PDE10A: variants seen among roughly 807,000 people sequenced by gnomAD.
The protein encoded by PDE10A is phosphodiesterase 10A, also known as cAMP and cAMP-inhibited cGMP 3',5'-cyclic phosphodiesterase 10A.
In PDE10A, 39 loss-of-function variants were observed where a neutral mutation model predicts 97.7. The ratio of observed to expected loss-of-function variants is 0.40; its 90% confidence interval spans 0.31 to 0.52. The LOEUF is 0.52. Among genes scored for constraint, PDE10A ranks in the 20% least tolerant of loss-of-function variants. The probability of loss-of-function intolerance (pLI) is 0.56; values close to 1 mark genes in which losing one functional copy is unlikely to be tolerated. For missense variants in PDE10A, 731 were observed against 1,047.8 expected, an observed-to-expected ratio of 0.70 and a Z score of 4.17; for synonymous variants, 371 against 376.8, an observed-to-expected ratio of 0.98 and a Z score of 0.18.
At chr6:165,389,070 G>A (rs1785497273) in intron 16 of PDE10A, among the ~76,000 whole-genome samples, 2 of 152,146 alleles carry the variant, frequency 1.3e-5, no homozygotes, top group Non-Finnish European at 2.9e-5. Context: ...AGAAGAGCAC[G>A]CCGGGCAGGG....
chr6:165,729,356 ATT>A (rs1324770689), intron 1 of PDE10A, among the ~76,000 whole-genome samples: 2 of 152,218 alleles, frequency 1.3e-5, no homozygotes. Context: ...CAGATTAAAC[ATT>A]TTTTGAATAA....
intron 1 of PDE10A, among the ~76,000 whole-genome samples, chr6:165,878,198 C>T (rs1031784709): frequency 2.0e-5 from 3 of 152,170 alleles, no homozygotes; most frequent in Non-Finnish European, 1.5e-5. Context: ...GAAACCAAAC[C>T]ATAGATGCCT....
intron 10 of PDE10A, 143 bp downstream of exon 10, chr6:165,428,513 AAC>A: frequency 1.7e-6 from 1 of 575,244 alleles, no homozygotes; most frequent in Non-Finnish European, 3.1e-6. Context: ...GCAAGTGACA[AAC>A]AGATCAAGGT....
chr6:165,847,840 G>T (rs1468865902), intron 1 of PDE10A, among the ~76,000 whole-genome samples: 1 of 152,216 alleles, frequency 6.6e-6, no homozygotes, highest in Non-Finnish European at 1.5e-5. Flanking sequence ...TTGCTTTTGA[G>T]CGTAAACAAA....
chr6:165,744,286 A>G (rs769479931), intron 1 of PDE10A, among the ~76,000 whole-genome samples: 2 of 152,202 alleles, frequency 1.3e-5, no homozygotes, highest in African/African-American at 2.4e-5. Context: ...TTTCAACTCT[A>G]TAATAAATAA....
intron 1 of PDE10A, among the ~76,000 whole-genome samples, chr6:165,921,160 T>C (rs1483252125): frequency 6.6e-6 from 1 of 152,226 alleles, no homozygotes; most frequent in Non-Finnish European, 1.5e-5. Flanking sequence ...GCCATACCTC[T>C]GACTGTGTTC....
intron 2 of PDE10A, among the ~76,000 whole-genome samples, chr6:165,494,016 T>C (rs912032292): frequency 3.4e-4 from 50 of 148,008 alleles, no homozygotes; most frequent in African/African-American, 1.2e-3. Flanking sequence ...AGGACATGAA[T>C]AGACAATTCT....
chr6:165,759,908 T>A (rs559693570), intron 1 of PDE10A, among the ~76,000 whole-genome samples: 1 of 152,310 alleles, frequency 6.6e-6, no homozygotes, highest in Non-Finnish European at 1.5e-5. Flanking sequence ...GCTCTAAAAC[T>A]TGTCTAGTAA....
intron 1 of PDE10A, among the ~76,000 whole-genome samples, chr6:165,631,678 A>G (rs1332138008): frequency 6.6e-6 from 1 of 152,256 alleles, no homozygotes; most frequent in African/African-American, 2.4e-5. Context: ...ACATCATTAT[A>G]CGAATAAATC....
At chr6:165,459,657 A>G (rs1778201723) in intron 3 of PDE10A, among the ~76,000 whole-genome samples, 1 of 152,052 alleles carries the variant, frequency 6.6e-6, no homozygotes, top group Non-Finnish European at 1.5e-5. Context: ...TTAGCTTTTG[A>G]CAATGCTAAT....
chr6:165,712,615 C>T (rs541199040), intron 1 of PDE10A, among the ~76,000 whole-genome samples: 1 of 147,360 alleles, frequency 6.8e-6, no homozygotes, highest in East Asian at 2.0e-4. Context: ...GCATGAGGAA[C>T]GTTTCAACTT....
Position 165,400,415 on chromosome 6 carries a change from C to T in PDE10A, c.2077-3956G>A, listed in dbSNP as rs182884524. Among the ~76,000 whole-genome samples the T allele has an allele frequency of 6.6e-5, 10 of 152,112 alleles. No homozygotes were observed. The East Asian group carries it at 9.7e-4, about 15-fold the overall frequency. ...GAATGAAAAGACAAGCCAAAGACTGCGAGCAAATATTTACAAATAATCTAT... is the reference window on the plus strand; with the variant it reads ...GAATGAAAAGACAAGCCAAAGACTGTGAGCAAATATTTACAAATAATCTAT... On this transcript the variant is annotated intron_variant, in intron 13 of 21. Coordinates refer to ENST00000539869, the MANE Select transcript of PDE10A (RefSeq NM_001385079.1).
At chr6:165,848,058 A>G (rs542149405) in intron 1 of PDE10A, among the ~76,000 whole-genome samples, 2 of 151,472 alleles carry the variant, frequency 1.3e-5, no homozygotes, top group South Asian at 4.2e-4. Context: ...AGTTTTGCCC[A>G]GAGCCACTGA....
chr6:165,676,820 C>T (rs886987525), intron 1 of PDE10A, among the ~76,000 whole-genome samples: 6 of 152,258 alleles, frequency 3.9e-5, no homozygotes, highest in Middle Eastern at 3.4e-3. Flanking sequence ...GTGGGACTGG[C>T]GAGCGCCTCC....
At chr6:165,678,579 C>T (rs940752522) in intron 1 of PDE10A, among the ~76,000 whole-genome samples, 13 of 151,976 alleles carry the variant, frequency 8.6e-5, no homozygotes, top group Non-Finnish European at 1.2e-4. Context: ...CTATTCTGCC[C>T]GCCGCTTGGA....
Position 165,513,251 on chromosome 6 carries a change from ATT to A in PDE10A, c.994+30187_994+30188del, listed in dbSNP as rs1270157754. Among the ~76,000 whole-genome samples the A allele has an allele frequency of 2.0e-5, 3 of 152,122 alleles. No homozygotes were observed. In the East Asian group the frequency reaches 5.8e-4, roughly 29 times the overall value. On this transcript the variant is annotated intron_variant, in intron 2 of 21. Transcript: ENST00000539869. ...AGAAAAGTATACAGTCTTTATAGTT[ATT>A]GTTTATATAATGTATGAATATATAA...
intron 1 of PDE10A, among the ~76,000 whole-genome samples, chr6:165,773,557 G>A (rs1778075349): frequency 6.6e-6 from 1 of 152,034 alleles, no homozygotes; most frequent in South Asian, 2.1e-4. Context: ...AGATCTTTGA[G>A]TTCACTTATT....
In PDE10A at chr6:165,608,094, GCA is replaced by G. The variant is rs1491384688; in HGVS notation, c.865+53851_865+53852del. On this transcript the variant is annotated intron_variant, in intron 1 of 21. Transcript: ENST00000539869. ...TATATGTATATATGTATATATATGT[GCA>G]TATATATACATGTATATATATATAT... 9.8e-3 allele frequency among the ~76,000 whole-genome samples: 1,418 copies of G among 144,370 alleles called. 26 individuals are homozygous for G. The highest frequency in any genetic ancestry group is 0.036 in the African/African-American group (1,343 of 37,230). 94.7% of individuals were successfully genotyped at this position (144,370 alleles called of 152,430 possible).
chr6:165,647,510 A>G (rs987606249), intron 1 of PDE10A, among the ~76,000 whole-genome samples: 1 of 152,174 alleles, frequency 6.6e-6, no homozygotes, highest in Non-Finnish European at 1.5e-5. Context: ...AAATGGAAGA[A>G]GCATTCTAAT....
Sources: gnomAD v4.1 joint callset for allele counts (sites outside exome capture counted in the v4.1 genomes callset) on GRCh38, gnomAD v4.1.1 for gene constraint, MANE v1.5 for transcripts, NCBI Gene and HGNC (gene_info 2026-07-23, HGNC 2026-07-21) for gene names.